SPATA16: variants seen among roughly 807,000 people sequenced by gnomAD.
SPATA16 encodes spermatogenesis associated 16.
SPATA16 carries 36 observed loss-of-function variants against 63.3 expected under a neutral mutation model. The ratio of observed to expected loss-of-function variants is 0.57; its 90% CI spans 0.44 to 0.75. SPATA16 has a LOEUF of 0.75. SPATA16 is among the 30% of genes least tolerant of loss of function. The probability of loss-of-function intolerance (pLI) is 0.00; values close to 1 mark genes in which losing one functional copy is unlikely to be tolerated. For missense variants in SPATA16, 646 were observed against 679.3 expected, an observed-to-expected ratio of 0.95 and a Z score of 0.54; for synonymous variants, 203 against 216.7, an observed-to-expected ratio of 0.94 and a Z score of 0.56.
intron 4 of SPATA16, among the ~76,000 whole-genome samples, chr3:172,998,007 G>A (rs1400009148): frequency 6.6e-6 from 1 of 152,092 alleles, no homozygotes; most frequent in East Asian, 1.9e-4. Flanking sequence ...CTTCAATACT[G>A]AGTTGACTAT....
At chr3:173,069,724 C>G (rs1448458360) in intron 2 of SPATA16, among the ~76,000 whole-genome samples, 4 of 152,036 alleles carry the variant, frequency 2.6e-5, no homozygotes, top group Admixed American at 1.3e-4. Context: ...GACATAGATA[C>G]AAAAATCCTC....
chr3:173,077,372 G>A (rs1359647907), intron 2 of SPATA16, among the ~76,000 whole-genome samples: 4 of 152,104 alleles, frequency 2.6e-5, no homozygotes, highest in South Asian at 2.1e-4. Context: ...GAGAAAAGAG[G>A]TATAAAAGCA....
intron 1 of SPATA16, among the ~76,000 whole-genome samples, chr3:173,140,182 G>T (rs931846457): frequency 1.3e-5 from 2 of 152,102 alleles, no homozygotes; most frequent in Non-Finnish European, 2.9e-5. Flanking sequence ...AATTAGGGTA[G>T]TTTCTGTTAT....
rs555825649 is a variant in SPATA16, at chr3:173,079,090, G to A, written c.613-29996C>T. 9.2e-5 allele frequency among the ~76,000 whole-genome samples: 14 copies of A among 152,294 alleles called. No homozygotes were observed. The South Asian group carries it at 1.2e-3, about 14-fold the overall frequency. ...TCATCTGTCAAGTCACCCTGAAAATGCTTTAGTTAAGGAATTTCTCTAGGT... is the reference window on the plus strand; with the variant it reads ...TCATCTGTCAAGTCACCCTGAAAATACTTTAGTTAAGGAATTTCTCTAGGT... On this transcript the variant is annotated intron_variant, in intron 2 of 10. Coordinates refer to ENST00000351008, the MANE Select transcript of SPATA16 (RefSeq NM_031955.6).
intron 5 of SPATA16, among the ~76,000 whole-genome samples, chr3:172,973,386 G>A (rs1056953684): frequency 6.6e-6 from 1 of 152,186 alleles, no homozygotes; most frequent in African/African-American, 2.4e-5. Context: ...TAGGGGATGA[G>A]CTGATCAGGC....
chr3:172,914,214 T>TATTA (rs1022476420), intron 9 of SPATA16, among the ~76,000 whole-genome samples: 2 of 152,190 alleles, frequency 1.3e-5, no homozygotes, highest in Non-Finnish European at 2.9e-5. Context: ...TAACTTCTTT[T>TATTA]ACTGTTTTTT....
At chr3:172,915,516 T>C (rs73882529) in intron 9 of SPATA16, among the ~76,000 whole-genome samples, 19,738 of 151,762 alleles carry the variant, frequency 0.13, 1,808 homozygotes, top group African/African-American at 0.26. Context: ...CAATTAAAGC[T>C]TCTAAGTAAA....
chr3:173,090,529 A>T (rs1318488357), intron 2 of SPATA16, among the ~76,000 whole-genome samples: 1 of 152,222 alleles, frequency 6.6e-6, no homozygotes, highest in Admixed American at 6.5e-5. Flanking sequence ...TGAGATCAGA[A>T]ATAGGGTAAC....
intron 4 of SPATA16, among the ~76,000 whole-genome samples, chr3:172,997,059 T>A (rs1734709681): frequency 6.6e-6 from 1 of 152,196 alleles, no homozygotes; most frequent in Non-Finnish European, 1.5e-5. Context: ...GTTGCACTTA[T>A]GTGTCTGCAA....
intron 3 of SPATA16, among the ~76,000 whole-genome samples, chr3:173,023,748 T>C (rs891774432): frequency 4.6e-5 from 7 of 151,638 alleles, no homozygotes; most frequent in African/African-American, 1.7e-4. Flanking sequence ...ATTTTAACTT[T>C]TTTAAAAAAA....
chr3:173,099,207 C>T (rs561827467), intron 2 of SPATA16, among the ~76,000 whole-genome samples: 31 of 151,744 alleles, frequency 2.0e-4, no homozygotes, highest in Non-Finnish European at 2.8e-4. Flanking sequence ...AGGATGAGTA[C>T]AGTACCATAG....
At chr3:173,104,557 G>A (rs888680225) in intron 2 of SPATA16, among the ~76,000 whole-genome samples, 2 of 152,138 alleles carry the variant, frequency 1.3e-5, no homozygotes, top group African/African-American at 4.8e-5. Context: ...GTGAGTGCAG[G>A]AGCAAGTCAG....
intron 1 of SPATA16, among the ~76,000 whole-genome samples, chr3:173,128,299 TGAC>T (rs1196855710): frequency 2.0e-5 from 3 of 152,222 alleles, no homozygotes; most frequent in Admixed American, 2.0e-4. Flanking sequence ...CATATGGTGC[TGAC>T]TTTATATATC....
chr3:173,135,475 T>A (rs1257337737), intron 1 of SPATA16, among the ~76,000 whole-genome samples: 1 of 152,150 alleles, frequency 6.6e-6, no homozygotes, highest in East Asian at 1.9e-4. Flanking sequence ...TACAAGAACG[T>A]TCACAGTAGC....
intron 2 of SPATA16, among the ~76,000 whole-genome samples, chr3:173,070,926 A>G (rs1160877887): frequency 6.6e-6 from 1 of 152,178 alleles, no homozygotes; most frequent in Non-Finnish European, 1.5e-5. Context: ...CTGTCAAAAT[A>G]CCAATGACAT....
At chr3:173,134,252 T>C (rs899009709) in intron 1 of SPATA16, among the ~76,000 whole-genome samples, 2 of 152,102 alleles carry the variant, frequency 1.3e-5, no homozygotes, top group Non-Finnish European at 2.9e-5. Flanking sequence ...TAAAAGTTCA[T>C]GTGTTGGAAG....
chr3:172,983,750 C>A lies in SPATA16; in HGVS notation c.849-6698G>T, dbSNP rs529182110. ...ATTCAAGCCAACACACACACACAAACACACACACTCACACACACACACACA... is the reference window on the plus strand; with the variant it reads ...ATTCAAGCCAACACACACACACAAAAACACACACTCACACACACACACACA... On this transcript the variant is annotated intron_variant, in intron 4 of 10. Transcript: ENST00000351008. 2.8e-3 allele frequency among the ~76,000 whole-genome samples: 430 copies of A among 152,022 alleles called. 2 individuals carry two copies. Among genetic ancestry groups the A allele is most frequent in the African/African-American group, 0.01 (420 of 41,444 alleles).
intron 6 of SPATA16, among the ~76,000 whole-genome samples, chr3:172,928,498 C>T (rs1000152761): frequency 6.6e-6 from 1 of 152,190 alleles, no homozygotes; most frequent in African/African-American, 2.4e-5. Flanking sequence ...TTGGCATTTT[C>T]TGGTGCAGCA....
chr3:173,140,186 C>T (rs73032641), intron 1 of SPATA16, among the ~76,000 whole-genome samples: 3,317 of 152,188 alleles, frequency 0.022, 108 homozygotes, highest in African/African-American at 0.075. Context: ...AGGGTAGTTT[C>T]TGTTATAATA....
Sources: allele counts gnomAD v4.1 joint callset (sites outside exome capture counted in the v4.1 genomes callset), GRCh38; gene constraint gnomAD v4.1.1; transcripts MANE v1.5; gene names NCBI Gene and HGNC (gene_info 2026-07-23, HGNC 2026-07-21).